The following TRPM3 variants were observed in gnomAD, a reference collection of about 807,000 sequenced individuals.
TRPM3 encodes transient receptor potential cation channel subfamily M member 3.
In TRPM3, 77 loss-of-function variants were observed where a neutral mutation model predicts 181.2. That is an observed-to-expected ratio of 0.42 (90% CI 0.35 to 0.51). The LOEUF is 0.51. Among genes scored for constraint, TRPM3 ranks in the 20% least tolerant of loss-of-function variants. The pLI, the probability that TRPM3 is intolerant of heterozygous loss-of-function variation, is 0.01. For missense variants in TRPM3, 1,759 were observed against 2,196.7 expected, an observed-to-expected ratio of 0.80 and a Z score of 3.98; for synonymous variants, 745 against 796.4, an observed-to-expected ratio of 0.94 and a Z score of 1.09.
Position 70,535,220 on chromosome 9 carries a change from CTCT to C in TRPM3, c.*730_*732del, listed in dbSNP as rs1282794983. 4 of 606,238 alleles carry C rather than the reference CTCT, an allele frequency of 6.6e-6. No homozygotes were observed. The highest frequency in any genetic ancestry group is 1.1e-5 in the Non-Finnish European group (4 of 360,874). 37.6% of individuals were successfully genotyped at this position (606,238 alleles called of 1,614,324 possible). ...TTGACTTTTGTTTTTTTAACATCAA[CTCT>C]TCTTTCATTTCGATTGCAATACAAA... is the stretch of plus-strand genomic sequence containing the variant. On this transcript the variant is annotated 3_prime_UTR_variant, in exon 26 of 26. Coordinates refer to ENST00000677713, the MANE Select transcript of TRPM3 (RefSeq NM_001366145.2).
intron 1 of TRPM3, among the ~76,000 whole-genome samples, chr9:71,411,857 G>T (rs1456935491): frequency 6.6e-6 from 1 of 152,134 alleles, no homozygotes; most frequent in Non-Finnish European, 1.5e-5. Flanking sequence ...ATACTACAAG[G>T]CTACAGTAAC....
intron 1 of TRPM3, among the ~76,000 whole-genome samples, chr9:71,253,913 A>G (rs1260422989): frequency 4.6e-5 from 7 of 152,180 alleles, no homozygotes; most frequent in Admixed American, 1.3e-4. Flanking sequence ...AACACATATG[A>G]AAGTGGATAA....
chr9:70,548,667 C>T (rs529042986), intron 25 of TRPM3, among the ~76,000 whole-genome samples: 5 of 152,294 alleles, frequency 3.3e-5, no homozygotes, highest in African/African-American at 9.6e-5. Flanking sequence ...ACCTATGTTT[C>T]GTAATATTCT....
intron 7 of TRPM3, 97 bp from the exon 8 acceptor site, chr9:70,761,821 A>G: frequency 7.1e-7 from 1 of 1,405,378 alleles, no homozygotes; most frequent in Non-Finnish European, 9.6e-7. Flanking sequence ...ATGAGGGTTT[A>G]CTTTAGATAG....
At chr9:70,823,815 A>T (rs868855073) in intron 6 of TRPM3, among the ~76,000 whole-genome samples, 1 of 152,252 alleles carries the variant, frequency 6.6e-6, no homozygotes, top group Non-Finnish European at 1.5e-5. Flanking sequence ...TGTTCCTTGC[A>T]TATTAAATTT....
In TRPM3 at chr9:71,262,213, C is replaced by T. The variant is rs185586892; in HGVS notation, c.183+184440G>A. ...TGCCTTTCTTTCAGAGATGCCCTGTCCAGAGAGGAGGAATCTAGAGAGGCA... is the reference window on the plus strand; with the variant it reads ...TGCCTTTCTTTCAGAGATGCCCTGTTCAGAGAGGAGGAATCTAGAGAGGCA... On this transcript the variant is annotated intron_variant, in intron 1 of 24. Transcript: ENST00000357533. Among the ~76,000 whole-genome samples the T allele has an allele frequency of 6.2e-3, 944 of 152,254 alleles. 4 individuals carry two copies. The highest frequency in any genetic ancestry group is 9.7e-3 in the Non-Finnish European group (657 of 68,022).
chr9:70,654,651 A>G (rs756264497), intron 9 of TRPM3, among the ~76,000 whole-genome samples: 1 of 151,798 alleles, frequency 6.6e-6, no homozygotes, highest in Non-Finnish European at 1.5e-5. Context: ...ATGAGGAGTA[A>G]ACAAGGAGAA....
At chr9:70,637,104 A>G (rs1188119234) in intron 11 of TRPM3, among the ~76,000 whole-genome samples, 2 of 152,090 alleles carry the variant, frequency 1.3e-5, no homozygotes, top group African/African-American at 4.8e-5. Context: ...GGGATGCTGG[A>G]TTGTGCAGTG....
intron 1 of TRPM3, among the ~76,000 whole-genome samples, chr9:71,185,120 T>C (rs1284112366): frequency 6.6e-6 from 1 of 152,080 alleles, no homozygotes; most frequent in African/African-American, 2.4e-5. Flanking sequence ...TTCAGTGAAC[T>C]GGAGAGAACT....
At chr9:70,991,555 G>GGT (rs71507019) in intron 1 of TRPM3, among the ~76,000 whole-genome samples, 3 of 124,534 alleles carry the variant, frequency 2.4e-5, no homozygotes, top group Admixed American at 8.6e-5. Context: ...CTATGTGTCT[G>GGT]TTTTTTTTTT....
At chr9:71,289,705 T>A (rs756715892) in intron 1 of TRPM3, among the ~76,000 whole-genome samples, 6 of 151,636 alleles carry the variant, frequency 4.0e-5, no homozygotes, top group Non-Finnish European at 7.4e-5. Flanking sequence ...TCGTCTCTAC[T>A]AAAAATACAA....
intron 22 of TRPM3, among the ~76,000 whole-genome samples, chr9:70,554,253 A>G (rs2047136588): frequency 6.6e-6 from 1 of 152,172 alleles, no homozygotes; most frequent in Non-Finnish European, 1.5e-5. Flanking sequence ...TGATGCCGTG[A>G]GGTGCCAGGC....
intron 1 of TRPM3, among the ~76,000 whole-genome samples, chr9:71,196,019 C>G (rs1175912115): frequency 6.6e-6 from 1 of 151,882 alleles, no homozygotes; most frequent in Non-Finnish European, 1.5e-5. Context: ...GTATTGGGTA[C>G]TACGCTTAGT....
At chr9:71,177,924 C>T (rs1432376380) in intron 1 of TRPM3, among the ~76,000 whole-genome samples, 1 of 119,600 alleles carries the variant, frequency 8.4e-6, no homozygotes. Context: ...GAAAGGATTG[C>T]TCAAAGCCAA....
chr9:70,936,128 A>G (rs1318853587), intron 1 of TRPM3, among the ~76,000 whole-genome samples: 1 of 152,234 alleles, frequency 6.6e-6, no homozygotes, highest in African/African-American at 2.4e-5. Flanking sequence ...TTTATAATTT[A>G]CTGTCTTCAG....
At chr9:70,799,818 A>G (rs1432562221) in intron 6 of TRPM3, among the ~76,000 whole-genome samples, 1 of 152,180 alleles carries the variant, frequency 6.6e-6, no homozygotes, top group Non-Finnish European at 1.5e-5. Flanking sequence ...CAGGCCAGCA[A>G]ATCCATTTGA....
At chr9:71,146,622 A>C (rs2075421747) in intron 1 of TRPM3, among the ~76,000 whole-genome samples, 1 of 152,198 alleles carries the variant, frequency 6.6e-6, no homozygotes, top group Middle Eastern at 3.4e-3. Context: ...CTTCTTCTCC[A>C]TTCTTCTGGA....
At chr9:70,784,032 A>G (rs987089089) in intron 7 of TRPM3, 73 bp downstream of exon 7, 1 of 1,525,508 alleles carries the variant, frequency 6.6e-7, no homozygotes, top group Non-Finnish European at 8.8e-7. Flanking sequence ...AGCTACTGAA[A>G]ACATAATCCA....
intron 5 of TRPM3, among the ~76,000 whole-genome samples, chr9:70,831,200 G>T (rs1011070414): frequency 6.6e-6 from 1 of 152,000 alleles, no homozygotes; most frequent in Non-Finnish European, 1.5e-5. Flanking sequence ...CATAGCAAAC[G>T]TACCAGCAAT....
Sources: gnomAD v4.1 joint callset for allele counts (sites outside exome capture counted in the v4.1 genomes callset) on GRCh38, gnomAD v4.1.1 for gene constraint, MANE v1.5 for transcripts, NCBI Gene and HGNC (gene_info 2026-07-23, HGNC 2026-07-21) for gene names.